ITPR1: variants seen among roughly 807,000 people sequenced by gnomAD.
ITPR1 encodes inositol 1,4,5-trisphosphate receptor type 1.
Under a neutral mutation model 318.4 loss-of-function variants are expected in ITPR1, and 96 were observed. The observed-to-expected ratio is 0.30, with a 90% CI of 0.26 to 0.36. The LOEUF (loss-of-function observed/expected upper bound fraction) is 0.36, where lower values mean the gene tolerates loss of function less well. ITPR1 is among the 10% of genes least tolerant of loss of function. The pLI is 1.00. For synonymous variants in ITPR1, 1,312 were observed against 1,289.9 expected, an observed-to-expected ratio of 1.02 and a Z score of -0.37; for missense variants, 2,440 against 3,460.2, an observed-to-expected ratio of 0.71 and a Z score of 7.40.
Position 4,697,219 on chromosome 3 carries a change from A to G in ITPR1, c.4354A>G (p.Thr1452Ala), listed in dbSNP as rs1218021305. Residue 1452 changes from threonine (T) to alanine (A), a missense_variant, in exon 34 of 62, where the codon ACC becomes GCC. Physicochemically the swap from Thr to Ala is moderately conservative, Grantham distance 58 (BLOSUM62 0). Around this residue, in one of 23 missense-constraint regions of ITPR1, gnomAD observed 73 missense variants for 59.5 expected, o/e 1.23. Transcript: ENST00000649015. ...DTEVEMKEIY[T>A]SNHMWKLFEN... ...AGAGGTGGAAATGAAGGAGATTTATACCAGCAATCACATGTGGAAATTGTT... is the reference window on the plus strand; with the variant it reads ...AGAGGTGGAAATGAAGGAGATTTATGCCAGCAATCACATGTGGAAATTGTT... 6.3e-7 allele frequency: 1 copy of G among 1,590,500 alleles called. No homozygotes were observed. Among genetic ancestry groups the G allele is most frequent in the Middle Eastern group, 1.7e-4 (1 of 6,038 alleles).
intron 42 of ITPR1, among the ~76,000 whole-genome samples, chr3:4,731,203 A>G (rs1216827444): frequency 6.6e-6 from 1 of 152,180 alleles, no homozygotes; most frequent in Non-Finnish European, 1.5e-5. Context: ...TCAGCCTTTT[A>G]AATCACTGCG....
chr3:4,736,895 G>A (rs928795548), intron 44 of ITPR1, among the ~76,000 whole-genome samples: 11 of 152,220 alleles, frequency 7.2e-5, no homozygotes, highest in African/African-American at 2.7e-4. Context: ...TGGGGCAGTG[G>A]TTTCCAGACA....
intron 57 of ITPR1, among the ~76,000 whole-genome samples, chr3:4,814,019 C>T (rs1383898656): frequency 6.6e-6 from 1 of 152,212 alleles, no homozygotes; most frequent in Non-Finnish European, 1.5e-5. Context: ...GGATATAGTC[C>T]TCACACCATT....
Position 4,531,278 on chromosome 3 carries a change from C to T in ITPR1, c.163+10184C>T, listed in dbSNP as rs117355386. ...TGTTGCTTCGTGGGAATAAAGCTAA[C>T]GCAGGGGTAACTTGGAGGCTAGGTC... is the stretch of plus-strand genomic sequence containing the variant. On this transcript the variant is annotated intron_variant, in intron 4 of 61. Transcript: ENST00000649015. Among the ~76,000 whole-genome samples, 193 of 152,302 alleles carry T rather than the reference C, an allele frequency of 1.3e-3. 1 individual carries two copies. The East Asian group carries it at 0.013, about 10-fold the overall frequency.
At position 4,685,165 on chromosome 3, in the gene ITPR1, C is replaced by A; in HGVS notation, c.3661C>A (p.His1221Asn). 6.2e-7 allele frequency: 1 copy of A among 1,607,722 alleles called. No individual in the cohort carries two copies. The highest frequency in any genetic ancestry group is 8.5e-7 in the Non-Finnish European group (1 of 1,178,720). The change falls in exon 30 of 62, where the codon CAC (histidine) becomes AAC (asparagine). Residue 1221 changes from histidine (H) to asparagine (N), a missense_variant. Physicochemically the swap from His to Asn is moderately conservative, Grantham distance 68 (BLOSUM62 1). Coordinates refer to ENST00000649015, the MANE Select transcript of ITPR1 (RefSeq NM_001378452.1). ...GCGTCTGCTCCGGAACATGGGCGCG[C>A]ACGCCGTGGTGCTGGAGCTGCTGCA... ...QQRLLRNMGAHAVVLELLQIP... is the reference protein window; with the variant it reads ...QQRLLRNMGANAVVLELLQIP...
chr3:4,846,457 T>G lies in ITPR1; in HGVS notation c.*232T>G. 1 of 342,400 alleles carries G rather than the reference T, an allele frequency of 2.9e-6. No individual in the cohort carries two copies. Among genetic ancestry groups the G allele is most frequent in the Non-Finnish European group, 5.3e-6 (1 of 189,946 alleles). The allele number at this position is 342,400 out of a possible 1,614,324, so 21.2% of individuals were successfully genotyped here. ...TTGTGCCAAAAATATTAAAAATGCC[T>G]TTTTTGGAAGGACTAACAGAAAGCA... is the stretch of plus-strand genomic sequence containing the variant. On this transcript the variant is annotated 3_prime_UTR_variant, in exon 62 of 62. Coordinates refer to ENST00000649015, the MANE Select transcript of ITPR1 (RefSeq NM_001378452.1).
At chr3:4,551,519 T>C (rs1322003914) in intron 4 of ITPR1, among the ~76,000 whole-genome samples, 2 of 152,194 alleles carry the variant, frequency 1.3e-5, no homozygotes, top group African/African-American at 4.8e-5. Flanking sequence ...GATTATTCCA[T>C]GTTTTAATTA....
chr3:4,665,817 T>C (rs1312332656), intron 17 of ITPR1, among the ~76,000 whole-genome samples: 2 of 152,224 alleles, frequency 1.3e-5, no homozygotes, highest in African/African-American at 4.8e-5. Context: ...TAGTCTCCTA[T>C]GAAATAAATG....
In ITPR1 at chr3:4,563,952, T is replaced by C. The variant is rs142856280; in HGVS notation, c.163+42858T>C. 8.4e-3 allele frequency among the ~76,000 whole-genome samples: 1,274 copies of C among 152,174 alleles called. 23 individuals carry two copies. Among genetic ancestry groups the C allele is most frequent in the African/African-American group, 0.028 (1,166 of 41,520 alleles). ...GAGTTGATTTGTTTTCTTTTCTTTT[T>C]TTTTTTTGAGACAGAATCTCACCGT... On this transcript the variant is annotated intron_variant, in intron 4 of 61. Transcript: ENST00000649015.
chr3:4,729,530 C>G (rs973464040), intron 42 of ITPR1, among the ~76,000 whole-genome samples: 5 of 152,132 alleles, frequency 3.3e-5, no homozygotes, highest in African/African-American at 1.2e-4. Context: ...CCTGGGAAAC[C>G]GAAAGGTCAG....
chr3:4,613,599 G>A (rs2092259438), intron 4 of ITPR1, among the ~76,000 whole-genome samples: 1 of 152,016 alleles, frequency 6.6e-6, no homozygotes, highest in African/African-American at 2.4e-5. Flanking sequence ...TCTCTCTTCT[G>A]CCTTTCTCTC....
intron 60 of ITPR1, among the ~76,000 whole-genome samples, chr3:4,834,455 G>C (rs2050744429): frequency 6.6e-6 from 1 of 152,062 alleles, no homozygotes. Context: ...TGAGTATCCA[G>C]GGCCTCGTGC....
At chr3:4,616,918 G>A (rs977596248) in intron 4 of ITPR1, among the ~76,000 whole-genome samples, 10 of 151,996 alleles carry the variant, frequency 6.6e-5, no homozygotes, top group Non-Finnish European at 1.0e-4. Flanking sequence ...ATGTGAGTGC[G>A]AGTGTTGCGT....
chr3:4,502,374 A>G (rs2081085189), intron 2 of ITPR1, among the ~76,000 whole-genome samples: 1 of 152,010 alleles, frequency 6.6e-6, no homozygotes, highest in Non-Finnish European at 1.5e-5. Flanking sequence ...TTACACAATA[A>G]GTAATTTGTA....
chr3:4,597,863 G>A (rs749782542), intron 4 of ITPR1, among the ~76,000 whole-genome samples: 13 of 152,176 alleles, frequency 8.5e-5, no homozygotes, highest in South Asian at 2.1e-4. Flanking sequence ...AGTCACAGTG[G>A]CCTTCTCACT....
At chr3:4,780,463 G>A (rs1051400608) in intron 49 of ITPR1, among the ~76,000 whole-genome samples, 1 of 152,200 alleles carries the variant, frequency 6.6e-6, no homozygotes, top group Admixed American at 6.5e-5. Context: ...TTGGGAGAGT[G>A]TTGCAGGCTG....
chr3:4,652,929 A>G (rs1256774320), intron 11 of ITPR1, among the ~76,000 whole-genome samples: 3 of 152,168 alleles, frequency 2.0e-5, no homozygotes, highest in East Asian at 3.9e-4. Flanking sequence ...CAGAGGTTGC[A>G]GTGACCCGAG....
chr3:4,728,195 G>C (rs1211668202), intron 42 of ITPR1, among the ~76,000 whole-genome samples: 1 of 151,826 alleles, frequency 6.6e-6, no homozygotes, highest in Non-Finnish European at 1.5e-5. Flanking sequence ...TTAAGGTGCT[G>C]ACTGTGCCTT....
rs538974276 is a variant in ITPR1 at position 4,781,190 on chromosome 3, C to T, written c.6388-1429C>T. Among the ~76,000 whole-genome samples, 5 of 152,310 alleles carry T rather than the reference C, an allele frequency of 3.3e-5. No homozygotes were observed. In the East Asian group the frequency reaches 9.7e-4, roughly 29 times the overall value. On this transcript the variant is annotated intron_variant, in intron 49 of 61. Transcript: ENST00000649015. The stretch of plus-strand genomic sequence containing the variant: ...TTACTTCCAGGGCCTGACTTGGTGT[C>T]AGTGCTGACATACGTGGCCTTTGGT...
Sources: allele counts gnomAD v4.1 joint callset (sites outside exome capture counted in the v4.1 genomes callset), GRCh38; gene constraint gnomAD v4.1.1; regional missense constraint gnomAD v4.1.1; transcripts MANE v1.5; gene names NCBI Gene and HGNC (gene_info 2026-07-23, HGNC 2026-07-21).